EYA4: variants seen among roughly 807,000 people sequenced by gnomAD.
EYA4 encodes the protein protein phosphatase EYA4.
EYA4 carries 31 observed loss-of-function variants against 87.9 expected under a neutral mutation model. That is an observed-to-expected ratio of 0.35 (90% CI 0.27 to 0.48). The LOEUF (loss-of-function observed/expected upper bound fraction) is 0.48, where lower values mean the gene tolerates loss of function less well. EYA4 is among the 20% of genes least tolerant of loss of function. EYA4 has a pLI of 0.99. For synonymous variants in EYA4, 263 were observed against 270.6 expected (o/e 0.97, Z 0.28); for missense variants, 678 against 761.4 (o/e 0.89, Z 1.29).
chr6:133,363,681 T>C (rs1223607418), intron 2 of EYA4, among the ~76,000 whole-genome samples: 1 of 152,096 alleles, frequency 6.6e-6, no homozygotes, highest in East Asian at 1.9e-4. Context: ...TTCACTGTGT[T>C]AGCCAGGATG....
chr6:133,458,482 G>A (rs1350212698), intron 6 of EYA4, among the ~76,000 whole-genome samples: 1 of 152,074 alleles, frequency 6.6e-6, no homozygotes, highest in African/African-American at 2.4e-5. Context: ...ACTGTGGAAA[G>A]TTTTATTCCA....
At chr6:133,316,344 C>G (rs891875251) in intron 2 of EYA4, among the ~76,000 whole-genome samples, 7 of 152,000 alleles carry the variant, frequency 4.6e-5, no homozygotes, top group African/African-American at 1.7e-4. Context: ...ATTACAGTCC[C>G]CAAGGTAAAA....
chr6:133,444,805 C>T (rs537933827), intron 3 of EYA4, among the ~76,000 whole-genome samples: 1 of 152,158 alleles, frequency 6.6e-6, no homozygotes, highest in African/African-American at 2.4e-5. Context: ...GATGTCTGGG[C>T]AGCGTACTAA....
Position 133,253,028 on chromosome 6 carries a change from A to T in EYA4, c.-66+11279A>T, listed in dbSNP as rs557895115. On this transcript the variant is annotated intron_variant, in intron 1 of 19. Transcript: ENST00000355286. Reference sequence around the variant, plus strand: ...TCTCACTTCCTTTGATTTGTGCTTTAATTTTGAAATGTGTGCTTAGGTGGC... The same window carrying T: ...TCTCACTTCCTTTGATTTGTGCTTTTATTTTGAAATGTGTGCTTAGGTGGC... 2.9e-4 allele frequency among the ~76,000 whole-genome samples: 44 copies of T among 151,116 alleles called. 1 individual carries two copies. Among genetic ancestry groups the T allele is most frequent in the African/African-American group, 1.0e-3 (43 of 41,156 alleles).
chr6:133,416,446 A>T (rs562366443), intron 3 of EYA4, among the ~76,000 whole-genome samples: 1 of 152,278 alleles, frequency 6.6e-6, no homozygotes, highest in Admixed American at 6.5e-5. Context: ...GTCTATATTG[A>T]TCAAGTGTTT....
intron 2 of EYA4, among the ~76,000 whole-genome samples, chr6:133,299,744 T>TAAAATAAAATA (rs141090763): frequency 6.7e-6 from 1 of 148,560 alleles, no homozygotes; most frequent in Admixed American, 6.7e-5. Flanking sequence ...TAAAATAAAA[T>TAAAATAAAATA]AAAATAAAAT....
chr6:133,473,602 AG>A (rs2128687701), intron 11 of EYA4, among the ~76,000 whole-genome samples: 1 of 152,176 alleles, frequency 6.6e-6, no homozygotes, highest in Non-Finnish European at 1.5e-5. Flanking sequence ...ATAATTATCT[AG>A]TAGATAGAGC....
At chr6:133,501,702 G>A (rs552271543) in intron 13 of EYA4, among the ~76,000 whole-genome samples, 107 of 152,102 alleles carry the variant, frequency 7.0e-4, no homozygotes, top group Middle Eastern at 3.4e-3. Context: ...CATATGCTAC[G>A]GGTCCCAAAA....
intron 5 of EYA4, among the ~76,000 whole-genome samples, chr6:133,452,274 A>G (rs866262691): frequency 6.6e-6 from 1 of 152,186 alleles, no homozygotes; most frequent in South Asian, 2.1e-4. Context: ...AATTACATAT[A>G]TGTAGTTTTT....
At chr6:133,353,140 A>G (rs1480608998) in intron 2 of EYA4, among the ~76,000 whole-genome samples, 1 of 152,176 alleles carries the variant, frequency 6.6e-6, no homozygotes, top group African/African-American at 2.4e-5. Flanking sequence ...TTCTCCCACA[A>G]TGAAGATAAC....
At chr6:133,464,757 G>T (rs752550709) in intron 9 of EYA4, 22 bp from the exon 10 acceptor site, 6 of 1,402,138 alleles carry the variant, frequency 4.3e-6, no homozygotes, top group Non-Finnish European at 6.1e-6. Context: ...CTTTTAAAAT[G>T]CAATTTGTTT....
chr6:133,392,603 AT>A (rs1306865789), intron 3 of EYA4, among the ~76,000 whole-genome samples: 3 of 152,112 alleles, frequency 2.0e-5, no homozygotes, highest in African/African-American at 4.8e-5. Context: ...ATTACACACT[AT>A]TTTTTTCATA....
chr6:133,444,060 A>C (rs1792565957), intron 3 of EYA4, among the ~76,000 whole-genome samples: 3 of 152,128 alleles, frequency 2.0e-5, no homozygotes, highest in African/African-American at 7.2e-5. Context: ...ACGCTTTCCA[A>C]ATCTTACGTG....
intron 1 of EYA4, among the ~76,000 whole-genome samples, chr6:133,256,566 T>C (rs1275695273): frequency 6.6e-6 from 1 of 152,106 alleles, no homozygotes; most frequent in African/African-American, 2.4e-5. Context: ...CATTACTCCA[T>C]TATAAATGTG....
intron 1 of EYA4, among the ~76,000 whole-genome samples, chr6:133,273,927 A>G (rs1776950752): frequency 1.3e-5 from 2 of 151,786 alleles, no homozygotes; most frequent in Non-Finnish European, 2.9e-5. Flanking sequence ...GTGTGCGTGT[A>G]TGTGTTTTAA....
chr6:133,368,902 A>G (rs1785058630), intron 2 of EYA4, among the ~76,000 whole-genome samples: 1 of 152,164 alleles, frequency 6.6e-6, no homozygotes, highest in South Asian at 2.1e-4. Flanking sequence ...TCTTCATTCA[A>G]TCCTCCCTTG....
chr6:133,529,833 A>C lies in EYA4; in HGVS notation c.*1028A>C, dbSNP rs975298813. 2.0e-6 allele frequency: 2 copies of C among 985,394 alleles called. No homozygotes were observed. Among genetic ancestry groups the C allele is most frequent in the Middle Eastern group, 5.2e-4 (1 of 1,914 alleles). 61.0% of individuals were successfully genotyped at this position (985,394 alleles called of 1,614,324 possible). A position where few individuals can be genotyped will look rare whatever the true frequency, so the allele number is the denominator to read the frequency against. ...TACAGTTTTACTGGAGAAAACTAAGAGCCATATTCATGACAACTTGCACAG... is the reference window on the plus strand; with the variant it reads ...TACAGTTTTACTGGAGAAAACTAAGCGCCATATTCATGACAACTTGCACAG... On this transcript the variant is annotated 3_prime_UTR_variant, in exon 20 of 20. Transcript: ENST00000355286.
At chr6:133,443,543 T>G (rs1295013035) in intron 3 of EYA4, among the ~76,000 whole-genome samples, 1 of 152,080 alleles carries the variant, frequency 6.6e-6, no homozygotes, top group Non-Finnish European at 1.5e-5. Context: ...TACTCTTTAT[T>G]GTTTCCTTCT....
At chr6:133,358,816 C>T (rs1784256494) in intron 2 of EYA4, among the ~76,000 whole-genome samples, 2 of 152,060 alleles carry the variant, frequency 1.3e-5, no homozygotes, top group Admixed American at 1.3e-4. Context: ...AAATGATACA[C>T]ACATTGTGAT....
Sources: allele counts gnomAD v4.1 joint callset (sites outside exome capture counted in the v4.1 genomes callset), GRCh38; gene constraint gnomAD v4.1.1; transcripts MANE v1.5; gene names NCBI Gene and HGNC (gene_info 2026-07-23, HGNC 2026-07-21).